OLA1: variants seen among roughly 807,000 people sequenced by gnomAD.
The protein encoded by OLA1 is Obg like ATPase 1.
A neutral mutation model predicts 48.4 loss-of-function variants in OLA1; 14 were observed. That is an observed-to-expected ratio of 0.29 (90% CI 0.19 to 0.45). The LOEUF is 0.45. OLA1 is among the 20% of genes least tolerant of loss of function. The pLI is 1.00. For missense variants in OLA1, 325 were observed against 467.1 expected, an observed-to-expected ratio of 0.70 and a Z score of 2.80; for synonymous variants, 127 against 150.4, an observed-to-expected ratio of 0.84 and a Z score of 1.14.
intron 4 of OLA1, among the ~76,000 whole-genome samples, chr2:174,159,483 T>A (rs946391380): frequency 6.6e-6 from 1 of 152,188 alleles, no homozygotes; most frequent in Non-Finnish European, 1.5e-5. Context: ...TGCAACACCA[T>A]ACACATGTGT....
chr2:174,120,937 T>C (rs1370115238), intron 7 of OLA1, among the ~76,000 whole-genome samples: 3 of 152,206 alleles, frequency 2.0e-5, no homozygotes, highest in African/African-American at 7.2e-5. Context: ...TTATTTGCTA[T>C]AGTAACATTA....
Position 174,073,400 on chromosome 2 carries a change from A to G in OLA1, c.*2026T>C, listed in dbSNP as rs1048487434. The G allele has an allele frequency of 7.2e-5, 11 of 152,336 alleles. No individual in the cohort carries two copies. The highest frequency in any genetic ancestry group is 2.6e-4 in the African/African-American group (11 of 41,572). The allele number at this position is 152,336 out of a possible 1,614,324, so 9.4% of individuals were successfully genotyped here. A position where few individuals can be genotyped will look rare whatever the true frequency, so the allele number is the denominator to read the frequency against. ...AAAATATATTAACTTTATCAATATT[A>G]AAGGAGGGAAAACGTTTAGATATAG... On this transcript the variant is annotated 3_prime_UTR_variant, in exon 11 of 11. Coordinates refer to ENST00000284719, the MANE Select transcript of OLA1 (RefSeq NM_013341.5).
chr2:174,225,485 G>T (rs1194074297), intron 3 of OLA1, among the ~76,000 whole-genome samples: 1 of 152,024 alleles, frequency 6.6e-6, no homozygotes, highest in Admixed American at 6.5e-5. Flanking sequence ...GGAGGCGGAG[G>T]TTGCAGTGAG....
At chr2:174,236,890 CA>C (rs996773753) in intron 2 of OLA1, among the ~76,000 whole-genome samples, 2 of 152,136 alleles carry the variant, frequency 1.3e-5, no homozygotes, top group Non-Finnish European at 2.9e-5. Context: ...CTGGGTGAGT[CA>C]ATGAGTGATG....
Position 174,120,694 on chromosome 2 carries a change from C to T in OLA1, c.728+2486G>A, listed in dbSNP as rs1042688860. Among the ~76,000 whole-genome samples the T allele has an allele frequency of 3.0e-4, 45 of 152,098 alleles. 1 individual carries two copies. The highest frequency in any genetic ancestry group is 1.0e-3 in the African/African-American group (42 of 41,424). On this transcript the variant is annotated intron_variant, in intron 7 of 10. Transcript: ENST00000284719. The stretch of plus-strand genomic sequence containing the variant: ...AATAGACTTATCTTTCAAAATGCTT[C>T]CTTCTTTTCTAGGGTTGAAAAATAA...
chr2:174,230,499 G>A (rs900286912), intron 2 of OLA1, among the ~76,000 whole-genome samples: 1 of 152,070 alleles, frequency 6.6e-6, no homozygotes, highest in African/African-American at 2.4e-5. Flanking sequence ...ATGGATCTTG[G>A]TAATAATTAC....
At chr2:174,163,701 TAAATAAATAA>T (rs1687066762) in intron 4 of OLA1, among the ~76,000 whole-genome samples, 10 of 39,406 alleles carry the variant, frequency 2.5e-4, no homozygotes, top group Admixed American at 6.8e-4. Flanking sequence ...AAAAATAAAA[TAAATAAATAA>T]ATATATATAT....
At chr2:174,122,547 G>C (rs1324683415) in intron 7 of OLA1, among the ~76,000 whole-genome samples, 2 of 152,116 alleles carry the variant, frequency 1.3e-5, no homozygotes, top group African/African-American at 4.8e-5. Context: ...CAAAGTGAGT[G>C]GTATGCCAAA....
intron 7 of OLA1, among the ~76,000 whole-genome samples, chr2:174,120,898 A>G (rs1316571141): frequency 1.3e-5 from 2 of 152,170 alleles, no homozygotes; most frequent in South Asian, 4.1e-4. Context: ...GACCCATGAA[A>G]GTATTTATTA....
intron 7 of OLA1, among the ~76,000 whole-genome samples, chr2:174,111,662 A>AG (rs2105359536): frequency 6.6e-6 from 1 of 152,344 alleles, no homozygotes; most frequent in East Asian, 1.9e-4. Context: ...CCAGAACATT[A>AG]TACAAAACAT....
chr2:174,167,397 G>GA (rs1323038757), intron 4 of OLA1, among the ~76,000 whole-genome samples: 1 of 152,200 alleles, frequency 6.6e-6, no homozygotes, highest in Non-Finnish European at 1.5e-5. Context: ...CCAACATGGT[G>GA]AAACCCTGTC....
At position 174,081,188 on chromosome 2, in the gene OLA1, A is replaced by G; in HGVS notation, c.930T>C (p.Thr310=). Residue 310 remains threonine, a synonymous_variant, in exon 9 of 11, where the codon ACT becomes ACC. Coordinates refer to ENST00000284719, the MANE Select transcript of OLA1 (RefSeq NM_013341.5). ...ATGCACGCACTTCATCTGGGCCTGCAGTGAAAAAGTATTCTAGTTGGAGTG... is the reference window on the plus strand; with the variant it reads ...ATGCACGCACTTCATCTGGGCCTGCGGTGAAAAAGTATTCTAGTTGGAGTG... The part of the protein sequence containing the change: ...FAALQLEYFF[T]AGPDEVRAWT... 6.2e-7 allele frequency: 1 copy of G among 1,612,124 alleles called. No homozygotes were observed. The highest frequency in any genetic ancestry group is 1.1e-5 in the South Asian group (1 of 91,010).
In OLA1 at chr2:174,229,442, A is replaced by G. The variant is rs1688682165; in HGVS notation, c.111T>C (p.Thr37=). The part of the protein sequence containing the change: ...IVGLPNVGKS[T]FFNVLTNSQA... The stretch of plus-strand genomic sequence containing the variant: ...GACTATTGGTTAACACATTGAAGAA[A>G]GTAGATTTCCTAAAACAAATAAAAG... The change falls in exon 3 of 11, where the codon ACT becomes ACC. Residue 37 remains threonine, a synonymous_variant. Coordinates refer to ENST00000284719, the MANE Select transcript of OLA1 (RefSeq NM_013341.5). The G allele has an allele frequency of 1.9e-6, 3 of 1,607,202 alleles. No individual in the cohort carries two copies. The highest frequency in any genetic ancestry group is 4.5e-5 in the East Asian group (2 of 44,790).
intron 4 of OLA1, among the ~76,000 whole-genome samples, chr2:174,151,322 C>T (rs1686741300): frequency 6.6e-6 from 1 of 152,142 alleles, no homozygotes; most frequent in Non-Finnish European, 1.5e-5. Flanking sequence ...ACCAGATAAC[C>T]ACTCTTCTAA....
intron 3 of OLA1, among the ~76,000 whole-genome samples, chr2:174,228,025 G>A (rs1688652514): frequency 6.6e-6 from 1 of 152,156 alleles, no homozygotes; most frequent in South Asian, 2.1e-4. Flanking sequence ...GGAAATGACA[G>A]TGCTATTTAT....
At chr2:174,207,956 C>A (rs913292888) in intron 4 of OLA1, among the ~76,000 whole-genome samples, 2 of 152,118 alleles carry the variant, frequency 1.3e-5, no homozygotes, top group Non-Finnish European at 2.9e-5. Flanking sequence ...AAAATATAGG[C>A]ACTCGTGGAA....
intron 7 of OLA1, among the ~76,000 whole-genome samples, chr2:174,106,236 C>G (rs1336466976): frequency 3.3e-5 from 5 of 152,040 alleles, no homozygotes; most frequent in African/African-American, 1.2e-4. Context: ...TCATCCCAAT[C>G]TGGTAAACTT....
At chr2:174,164,280 T>C (rs1268190046) in intron 4 of OLA1, among the ~76,000 whole-genome samples, 1 of 141,246 alleles carries the variant, frequency 7.1e-6, no homozygotes, top group Non-Finnish European at 1.5e-5. Context: ...TAATAAAGTT[T>C]CAATTTATCC....
chr2:174,157,525 T>G (rs545930968), intron 4 of OLA1, among the ~76,000 whole-genome samples: 1 of 152,340 alleles, frequency 6.6e-6, no homozygotes, highest in African/African-American at 2.4e-5. Flanking sequence ...TAAGTGTATT[T>G]TGATGCTGTG....
Sources: allele counts gnomAD v4.1 joint callset (sites outside exome capture counted in the v4.1 genomes callset), GRCh38; gene constraint gnomAD v4.1.1; transcripts MANE v1.5; gene names NCBI Gene and HGNC (gene_info 2026-07-23, HGNC 2026-07-21).